The following SEMA3A variants were observed in gnomAD, a reference collection of about 807,000 sequenced individuals.
The protein encoded by SEMA3A is semaphorin 3A.
Under a neutral mutation model 97.9 loss-of-function variants are expected in SEMA3A, and 29 were observed. The observed-to-expected ratio is 0.30, with a 90% CI of 0.22 to 0.40. The LOEUF is 0.40. SEMA3A is among the 10% of genes least tolerant of loss of function. SEMA3A has a pLI of 1.00. For missense variants in SEMA3A, 763 were observed against 951.3 expected, an observed-to-expected ratio of 0.80 and a Z score of 2.60; for synonymous variants, 321 against 323.7, an observed-to-expected ratio of 0.99 and a Z score of 0.09.
chr7:84,202,631 T>C (rs968950690), intron 3 of SEMA3A, among the ~76,000 whole-genome samples: 2 of 152,196 alleles, frequency 1.3e-5, no homozygotes, highest in African/African-American at 4.8e-5. Context: ...AAATATACTC[T>C]TTCTCTACCC....
intron 3 of SEMA3A, among the ~76,000 whole-genome samples, chr7:84,264,250 T>G (rs1799935482): frequency 6.6e-6 from 1 of 152,216 alleles, no homozygotes; most frequent in South Asian, 2.1e-4. Context: ...AACCCGATGA[T>G]TCCAGAATGT....
chr7:84,227,162 A>G (rs1799007760), intron 3 of SEMA3A, among the ~76,000 whole-genome samples: 1 of 151,274 alleles, frequency 6.6e-6, no homozygotes, highest in African/African-American at 2.4e-5. Flanking sequence ...ATCTATCTAT[A>G]TATGTATCTA....
At chr7:84,196,535 A>T (rs1249790886), upstream of SEMA3A, among the ~76,000 whole-genome samples, 1 of 152,198 alleles carries the variant, frequency 6.6e-6, no homozygotes, top group Non-Finnish European at 1.5e-5. Flanking sequence ...ATCTTATTGT[A>T]TTTGTCAGTT....
At chr7:84,330,417 A>G (rs367917345) in intron 2 of SEMA3A, among the ~76,000 whole-genome samples, 2 of 152,072 alleles carry the variant, frequency 1.3e-5, no homozygotes, top group African/African-American at 4.8e-5. Context: ...AAAAGTAACA[A>G]ATTATCATAT....
rs147880151 is a variant in SEMA3A at position 84,139,171 on chromosome 7, C to T, written c.113-4220G>A. Among the ~76,000 whole-genome samples, 55 of 152,202 alleles carry T rather than the reference C, an allele frequency of 3.6e-4. No homozygotes were observed. The East Asian group carries it at 7.7e-3, about 21-fold the overall frequency. The stretch of plus-strand genomic sequence containing the variant: ...TGTGTGTTATTCTTCCACCTTCTTA[C>T]ATCTTGCCTATGCTCATATTCAGTT... On this transcript the variant is annotated intron_variant, in intron 1 of 16. Coordinates refer to ENST00000265362, the MANE Select transcript of SEMA3A (RefSeq NM_006080.3).
At chr7:84,178,877 T>G (rs1797652016) in intron 1 of SEMA3A, among the ~76,000 whole-genome samples, 1 of 152,314 alleles carries the variant, frequency 6.6e-6, no homozygotes. Flanking sequence ...TTTAATCAGA[T>G]GCTGGTGACA....
At chr7:84,259,469 T>C (rs1799794263) in intron 3 of SEMA3A, among the ~76,000 whole-genome samples, 1 of 152,038 alleles carries the variant, frequency 6.6e-6, no homozygotes, top group African/African-American at 2.4e-5. Flanking sequence ...TATTTGTCCA[T>C]GAGGTGTAGG....
chr7:84,209,192 C>A (rs1049323401), intron 3 of SEMA3A, among the ~76,000 whole-genome samples: 1 of 152,152 alleles, frequency 6.6e-6, no homozygotes, highest in African/African-American at 2.4e-5. Flanking sequence ...TGTGTAACCA[C>A]TTCTTAGTGA....
chr7:84,170,714 G>C (rs140459877), intron 1 of SEMA3A, among the ~76,000 whole-genome samples: 1,843 of 151,998 alleles, frequency 0.012, 33 homozygotes, highest in African/African-American at 0.041. Flanking sequence ...TTAATTATTG[G>C]ATGTGTACAA....
At chr7:84,021,641 C>G (rs1791333070) in intron 6 of SEMA3A, among the ~76,000 whole-genome samples, 1 of 152,208 alleles carries the variant, frequency 6.6e-6, no homozygotes, top group Admixed American at 6.5e-5. Context: ...TCACTTGTTT[C>G]CCTCCATCAT....
At chr7:84,107,084 T>C (rs776166543) in intron 4 of SEMA3A, among the ~76,000 whole-genome samples, 3 of 152,202 alleles carry the variant, frequency 2.0e-5, no homozygotes, top group Non-Finnish European at 2.9e-5. Flanking sequence ...AAAGTTCATA[T>C]ATTCAAACTC....
chr7:84,329,596 A>G (rs988048287), intron 2 of SEMA3A, among the ~76,000 whole-genome samples: 1 of 152,074 alleles, frequency 6.6e-6, no homozygotes, highest in African/African-American at 2.4e-5. Context: ...ACACTCTCCC[A>G]GAGACCTAGA....
At chr7:84,461,071 T>A (rs1805826267) in intron 1 of SEMA3A, among the ~76,000 whole-genome samples, 1 of 152,144 alleles carries the variant, frequency 6.6e-6, no homozygotes, top group Admixed American at 6.5e-5. Context: ...AATAGAAGCT[T>A]AAAATTCATA....
In SEMA3A at chr7:84,207,230, A is replaced by G. The variant is rs567429896; in HGVS notation, c.-82-12562T>C. ...ATTCCTTTCACACAATGGGTCCTCAACAAATGTAAGTGAATTACTTCCTGA... is the reference window on the plus strand; with the variant it reads ...ATTCCTTTCACACAATGGGTCCTCAGCAAATGTAAGTGAATTACTTCCTGA... On this transcript the variant is annotated intron_variant, in intron 3 of 3. Transcript: ENST00000424555. 4.6e-5 allele frequency among the ~76,000 whole-genome samples: 7 copies of G among 152,364 alleles called. No homozygotes were observed. The East Asian group carries it at 7.7e-4, about 17-fold the overall frequency.
intron 13 of SEMA3A, among the ~76,000 whole-genome samples, chr7:83,985,070 A>T (rs896548667): frequency 5.9e-5 from 9 of 152,068 alleles, no homozygotes; most frequent in African/African-American, 2.2e-4. Context: ...TATATCCTGA[A>T]ATATCACAAT....
chr7:84,241,604 T>C (rs184425290), intron 3 of SEMA3A, among the ~76,000 whole-genome samples: 1 of 152,294 alleles, frequency 6.6e-6, no homozygotes, highest in East Asian at 1.9e-4. Context: ...TGTTTGTTTG[T>C]TTGCTGTGCA....
At chr7:84,123,770 A>G (rs1795706203) in intron 3 of SEMA3A, among the ~76,000 whole-genome samples, 1 of 148,980 alleles carries the variant, frequency 6.7e-6, no homozygotes, top group Non-Finnish European at 1.5e-5. Context: ...TGTTTAATAT[A>G]TATTATCTGA....
chr7:84,098,558 T>A (rs1026973833), intron 4 of SEMA3A, among the ~76,000 whole-genome samples: 30 of 152,080 alleles, frequency 2.0e-4, no homozygotes, highest in African/African-American at 6.8e-4. Flanking sequence ...TATAATCTTT[T>A]AAAGGACTCT....
chr7:84,255,618 C>T (rs148855042), intron 3 of SEMA3A, among the ~76,000 whole-genome samples: 4 of 152,114 alleles, frequency 2.6e-5, no homozygotes, highest in African/African-American at 4.8e-5. Flanking sequence ...ACTTCAGGGG[C>T]GGATGTCTCT....
Sources: gnomAD v4.1 joint callset for allele counts (sites outside exome capture counted in the v4.1 genomes callset) on GRCh38, gnomAD v4.1.1 for gene constraint, MANE v1.5 for transcripts, NCBI Gene and HGNC (gene_info 2026-07-23, HGNC 2026-07-21) for gene names.